Variants in KLHL1 observed in about 807,000 individuals in gnomAD.
The protein encoded by KLHL1 is kelch-like protein 1.
In KLHL1, 47 loss-of-function variants were observed where a neutral mutation model predicts 77.7. That is an observed-to-expected ratio of 0.60 (90% CI 0.48 to 0.77). The LOEUF is 0.77. Ranked by LOEUF, KLHL1 falls within the 30% of genes least tolerant of loss-of-function variation. KLHL1 has a pLI of 0.00. For missense variants in KLHL1, 925 were observed against 910.8 expected, an observed-to-expected ratio of 1.02 and a Z score of -0.20; for synonymous variants, 360 against 325.2, an observed-to-expected ratio of 1.11 and a Z score of -1.15.
chr13:69,928,205 C>T (rs964972555), intron 4 of KLHL1, among the ~76,000 whole-genome samples: 2 of 152,330 alleles, frequency 1.3e-5, no homozygotes, highest in Middle Eastern at 3.4e-3. Flanking sequence ...TGTTTGAAGA[C>T]TCTCATAGAG....
intron 6 of KLHL1, chr13:69,802,799 G>C (rs1007384688): frequency 2.6e-5 from 4 of 152,096 alleles, no homozygotes; most frequent in African/African-American, 7.2e-5. Flanking sequence ...CTTGAGACAG[G>C]AGTCTTGCCG....
intron 1 of KLHL1, among the ~76,000 whole-genome samples, chr13:70,056,418 T>C (rs878948247): frequency 2.6e-5 from 4 of 152,112 alleles, no homozygotes; most frequent in African/African-American, 9.7e-5. Flanking sequence ...ACTTTCAGCA[T>C]TGGAAAGACC....
intron 1 of KLHL1, among the ~76,000 whole-genome samples, chr13:70,014,298 C>T (rs995226282): frequency 3.3e-5 from 5 of 151,818 alleles, no homozygotes; most frequent in South Asian, 2.1e-4. Flanking sequence ...GTAAGAAAAG[C>T]GAATAATGAT....
intron 5 of KLHL1, among the ~76,000 whole-genome samples, chr13:69,860,244 T>C (rs909551190): frequency 5.3e-5 from 8 of 151,932 alleles, no homozygotes; most frequent in Admixed American, 1.3e-4. Flanking sequence ...ACACAAGATA[T>C]GAAAAATCTC....
intron 7 of KLHL1, among the ~76,000 whole-genome samples, chr13:69,748,422 G>C (rs1463542996): frequency 6.6e-6 from 1 of 151,996 alleles, no homozygotes; most frequent in Non-Finnish European, 1.5e-5. Context: ...TGCAAAAGCG[G>C]AATCCCCTGA....
chr13:69,786,258 A>G (rs1490486042), intron 7 of KLHL1, among the ~76,000 whole-genome samples: 3 of 152,212 alleles, frequency 2.0e-5, no homozygotes, highest in African/African-American at 7.2e-5. Flanking sequence ...AAAATCCTCA[A>G]TAAAATACTG....
intron 1 of KLHL1, among the ~76,000 whole-genome samples, chr13:69,991,446 A>T (rs2137313316): frequency 6.6e-6 from 1 of 152,072 alleles, no homozygotes; most frequent in South Asian, 2.1e-4. Context: ...ACTAATAAAG[A>T]AGAAAAGAGA....
intron 1 of KLHL1, among the ~76,000 whole-genome samples, chr13:70,058,931 A>G (rs184103746): frequency 1.5e-3 from 232 of 152,298 alleles, no homozygotes; most frequent in Non-Finnish European, 2.5e-3. Context: ...ACTCATTATT[A>G]TCAAAGGTGC....
chr13:69,816,383 C>T (rs542209028), intron 6 of KLHL1, among the ~76,000 whole-genome samples: 1 of 151,404 alleles, frequency 6.6e-6, no homozygotes, highest in Non-Finnish European at 1.5e-5. Flanking sequence ...GCCTCAGCTT[C>T]CTGAGTAGCT....
At chr13:69,958,153 A>AT (rs1883950971) in intron 3 of KLHL1, among the ~76,000 whole-genome samples, 3 of 151,440 alleles carry the variant, frequency 2.0e-5, no homozygotes, top group East Asian at 2.0e-4. Flanking sequence ...ACCTTTACAT[A>AT]TTTTTTTCTT....
intron 1 of KLHL1, among the ~76,000 whole-genome samples, chr13:70,069,690 C>A (rs1334395838): frequency 6.6e-6 from 1 of 152,034 alleles, no homozygotes; most frequent in African/African-American, 2.4e-5. Flanking sequence ...TGAAGATTTC[C>A]TTTAATAGGC....
At chr13:69,991,644 G>T in intron 1 of KLHL1, among the ~76,000 whole-genome samples, 1 of 150,734 alleles carries the variant, frequency 6.6e-6, no homozygotes, top group South Asian at 2.1e-4. Flanking sequence ...AATGAGCTCT[G>T]AAATGGAATC....
At chr13:69,751,817 A>C (rs1353021372) in intron 7 of KLHL1, among the ~76,000 whole-genome samples, 3 of 152,132 alleles carry the variant, frequency 2.0e-5, no homozygotes, top group African/African-American at 7.2e-5. Flanking sequence ...GCCATGCCAA[A>C]TAATGTACGT....
intron 4 of KLHL1, among the ~76,000 whole-genome samples, chr13:69,926,279 A>C (rs1435285588): frequency 6.6e-6 from 1 of 152,174 alleles, no homozygotes; most frequent in African/African-American, 2.4e-5. Flanking sequence ...TGGGAAATTC[A>C]AGGATTATTA....
At chr13:69,964,467 G>A (rs1884155102) in intron 2 of KLHL1, among the ~76,000 whole-genome samples, 1 of 151,978 alleles carries the variant, frequency 6.6e-6, no homozygotes, top group Non-Finnish European at 1.5e-5. Flanking sequence ...AGCTGTAAGT[G>A]GGACTTAATA....
Position 69,772,715 on chromosome 13 carries a change from T to C in KLHL1, c.1639+24023A>G, listed in dbSNP as rs572529634. Among the ~76,000 whole-genome samples the C allele has an allele frequency of 1.4e-4, 21 of 152,320 alleles. No individual in the cohort carries two copies. In the South Asian group the frequency reaches 3.9e-3, roughly 29 times the overall value. Reference sequence around the variant, plus strand: ...GTATCTTGCAGGTAATAGGGTTTGGTTGCAATGGTAGCTGTTTTTAGTTGT... The same window carrying C: ...GTATCTTGCAGGTAATAGGGTTTGGCTGCAATGGTAGCTGTTTTTAGTTGT... On this transcript the variant is annotated intron_variant, in intron 7 of 10. Transcript: ENST00000377844.
chr13:69,851,702 C>T (rs1481649757), intron 5 of KLHL1, among the ~76,000 whole-genome samples: 1 of 151,670 alleles, frequency 6.6e-6, no homozygotes, highest in Non-Finnish European at 1.5e-5. Flanking sequence ...TAGCATGCTC[C>T]TATGTCCCTG....
intron 1 of KLHL1, among the ~76,000 whole-genome samples, chr13:69,976,360 A>T (rs1307440512): frequency 6.7e-6 from 1 of 150,318 alleles, no homozygotes; most frequent in Non-Finnish European, 1.5e-5. Context: ...ACAAAAAAGT[A>T]GAATGTATTA....
intron 2 of KLHL1, among the ~76,000 whole-genome samples, chr13:69,973,028 C>G (rs971816014): frequency 1.3e-5 from 2 of 151,864 alleles, no homozygotes; most frequent in African/African-American, 4.8e-5. Flanking sequence ...TGATATTCCT[C>G]TTAGGATTTC....
Sources: allele counts gnomAD v4.1 joint callset (sites outside exome capture counted in the v4.1 genomes callset), GRCh38; gene constraint gnomAD v4.1.1; transcripts MANE v1.5; gene names NCBI Gene and HGNC (gene_info 2026-07-23, HGNC 2026-07-21).